The following UBE2U variants were observed in gnomAD, a reference collection of about 807,000 sequenced individuals.
UBE2U encodes ubiquitin-conjugating enzyme E2 U.
In UBE2U, 39 loss-of-function variants were observed where a neutral mutation model predicts 41.2. The observed-to-expected ratio is 0.95, with a 90% confidence interval of 0.73 to 1.24. The LOEUF (loss-of-function observed/expected upper bound fraction) is 1.24. Ranked by LOEUF, UBE2U falls within the 50% of genes most tolerant of loss-of-function variation. The pLI, the probability that UBE2U is intolerant of heterozygous loss-of-function variation, is 0.00. For missense variants in UBE2U, 336 were observed against 363.1 expected (o/e 0.93, Z 0.61); for synonymous variants, 107 against 117.8 (o/e 0.91, Z 0.60).
chr1:64,263,651 T>G (rs978524465), intron 9 of UBE2U, among the ~76,000 whole-genome samples: 1 of 152,132 alleles, frequency 6.6e-6, no homozygotes, highest in African/African-American at 2.4e-5. Flanking sequence ...GAAGTATGAC[T>G]CAGAAAAGGA....
rs71584441 is a variant in UBE2U at position 64,249,377 on chromosome 1, C to CAAAAA, written c.677+7661_677+7665dup. Among the ~76,000 whole-genome samples, 93 of 67,194 alleles carry CAAAAA rather than the reference C, an allele frequency of 1.4e-3. 2 individuals carry two copies. Among genetic ancestry groups the CAAAAA allele is most frequent in the African/African-American group, 2.3e-3 (39 of 17,216 alleles). 44.1% of individuals were successfully genotyped at this position (67,194 alleles called of 152,430 possible). On this transcript the variant is annotated intron_variant, in intron 8 of 9. Coordinates refer to ENST00000371077, the MANE Select transcript of UBE2U (RefSeq NM_001366232.2). ...TGGGTGACAGAGTGAGACTCTGTCTCAAAAAAAAAAAAAAAAAAAAATCAC... is the reference window on the plus strand; with the variant it reads ...TGGGTGACAGAGTGAGACTCTGTCTCAAAAAAAAAAAAAAAAAAAAAAAAAATCAC...
Position 64,267,045 on chromosome 1 carries a change from C to T in UBE2U, c.791C>T (p.Pro264Leu), listed in dbSNP as rs1023939192. The change falls in exon 10 of 10, where the codon CCA (proline) becomes CTA (leucine). Residue 264 changes from proline (P) to leucine (L), a missense_variant. Pro to Leu is a moderately conservative substitution (Grantham distance 98, BLOSUM62 -3). Coordinates refer to ENST00000371077, the MANE Select transcript of UBE2U (RefSeq NM_001366232.2). Reference sequence around the variant, plus strand: ...ACAGATGAAATTTTTCTTGAGTCACCAACTGCAATAAATAGCATCACAGAC... The same window carrying T: ...ACAGATGAAATTTTTCTTGAGTCACTAACTGCAATAAATAGCATCACAGAC... ...PTLNEIFLESPTAINSITDIY... is the reference protein window; with the variant it reads ...PTLNEIFLESLTAINSITDIY... 2.1e-5 allele frequency: 32 copies of T among 1,547,882 alleles called. No individual in the cohort carries two copies. The highest frequency in any genetic ancestry group is 4.0e-5 in the Admixed American group (2 of 50,550).
chr1:64,225,908 A>G (rs1463776346), intron 6 of UBE2U, among the ~76,000 whole-genome samples: 2 of 152,218 alleles, frequency 1.3e-5, no homozygotes, highest in Non-Finnish European at 2.9e-5. Flanking sequence ...ATTGCTGCAT[A>G]TCTTGTTTTA....
chr1:64,249,377 C>CAAAA (rs71584441), intron 8 of UBE2U, among the ~76,000 whole-genome samples: 1,261 of 66,536 alleles, frequency 0.019, 47 homozygotes, highest in African/African-American at 0.041. Context: ...GACTCTGTCT[C>CAAAA]AAAAAAAAAA....
chr1:64,264,036 CT>C (rs1243030957), intron 9 of UBE2U, among the ~76,000 whole-genome samples: 1 of 152,222 alleles, frequency 6.6e-6, no homozygotes, highest in African/African-American at 2.4e-5. Flanking sequence ...CTTCACTCCC[CT>C]GGGTCCTCCC....
intron 6 of UBE2U, 43 bp downstream of exon 6, chr1:64,220,950 A>T: frequency 1.5e-6 from 2 of 1,372,460 alleles, no homozygotes; most frequent in Non-Finnish European, 2.0e-6. Flanking sequence ...TATTTACCAA[A>T]AGGACTATTT....
chr1:64,246,611 AGGAAAATCCTTTAGGAAAAAAT>A (rs1644925874), intron 8 of UBE2U, among the ~76,000 whole-genome samples: 1 of 152,170 alleles, frequency 6.6e-6, no homozygotes, highest in South Asian at 2.1e-4. Flanking sequence ...AAACAAAGGG[AGGAAAATCCTTTAGGAAAAAAT>A]GACTTTTGCC....
chr1:64,236,745 T>G (rs1644674802), intron 7 of UBE2U, among the ~76,000 whole-genome samples: 1 of 152,216 alleles, frequency 6.6e-6, no homozygotes, highest in South Asian at 2.1e-4. Flanking sequence ...AGGAGACTTT[T>G]ATTCTTTGAG....
At chr1:64,255,855 C>A (rs1025847893) in intron 8 of UBE2U, among the ~76,000 whole-genome samples, 1 of 150,562 alleles carries the variant, frequency 6.6e-6, no homozygotes, top group Non-Finnish European at 1.5e-5. Context: ...ATACCATGAT[C>A]CTATGTCTAG....
Position 64,239,157 on chromosome 1 carries a change from A to AAGAAGAAAAGAAGAAGAAG in UBE2U, c.596-2494_596-2493insGAAGAAAAGAAGAAGAAGA. Among the ~76,000 whole-genome samples, 44 of 37,048 alleles carry AAGAAGAAAAGAAGAAGAAG rather than the reference A, an allele frequency of 1.2e-3. 3 individuals carry two copies. Among genetic ancestry groups the AAGAAGAAAAGAAGAAGAAG allele is most frequent in the Non-Finnish European group, 2.0e-3 (34 of 17,106 alleles). 24.3% of individuals were successfully genotyped at this position (37,048 alleles called of 152,430 possible). On this transcript the variant is annotated intron_variant, in intron 7 of 9. Transcript: ENST00000371077. ...GAAGAAGAAGAAGAAGAAGAAGAAG[A>AAGAAGAAAAGAAGAAGAAG]AAGAAGAAGAAGAAGAAGAAGAAGA...
intron 1 of UBE2U, among the ~76,000 whole-genome samples, chr1:64,204,767 A>C (rs1651186010): frequency 1.3e-5 from 2 of 152,210 alleles, no homozygotes; most frequent in Admixed American, 1.3e-4. Context: ...GAACAGAAAG[A>C]AAGCTGTCCA....
intron 5 of UBE2U, among the ~76,000 whole-genome samples, chr1:64,215,921 A>G (rs756920171): frequency 1.8e-4 from 28 of 152,076 alleles, no homozygotes; most frequent in African/African-American, 2.7e-4. Flanking sequence ...TGACATAGTT[A>G]TTTCCTTTAT....
chr1:64,263,599 G>C (rs1323638343), intron 9 of UBE2U, among the ~76,000 whole-genome samples: 1 of 152,174 alleles, frequency 6.6e-6, no homozygotes, highest in Non-Finnish European at 1.5e-5. Context: ...TAGCAAGAGA[G>C]TTATTATGTA....
At chr1:64,261,064 T>C (rs1557751929) in intron 9 of UBE2U, among the ~76,000 whole-genome samples, 1 of 152,204 alleles carries the variant, frequency 6.6e-6, no homozygotes, top group Admixed American at 6.5e-5. Flanking sequence ...TGCAATATGG[T>C]TGAAAAGAAA....
intron 7 of UBE2U, among the ~76,000 whole-genome samples, chr1:64,239,120 G>GA (rs1379591451): frequency 1.1e-4 from 2 of 17,902 alleles, no homozygotes; most frequent in African/African-American, 7.6e-4. Context: ...AGAAGAAGAA[G>GA]AAGAAGAAGA....
intron 9 of UBE2U, among the ~76,000 whole-genome samples, chr1:64,265,475 A>G (rs1278513120): frequency 3.3e-5 from 5 of 152,228 alleles, no homozygotes; most frequent in Non-Finnish European, 7.3e-5. Flanking sequence ...AATTACAACT[A>G]AATATTAGTA....
intron 5 of UBE2U, among the ~76,000 whole-genome samples, chr1:64,218,801 A>C (rs1158485765): frequency 6.6e-6 from 1 of 152,242 alleles, no homozygotes; most frequent in Non-Finnish European, 1.5e-5. Flanking sequence ...CTTGTACAAA[A>C]GGTCTGATTT....
At chr1:64,224,164 G>T (rs1021473847) in intron 6 of UBE2U, among the ~76,000 whole-genome samples, 2 of 152,264 alleles carry the variant, frequency 1.3e-5, no homozygotes, top group Admixed American at 6.5e-5. Context: ...GATACAGACA[G>T]AAGAGTGTAA....
intron 7 of UBE2U, 49 bp from the exon 8 acceptor site, chr1:64,241,603 T>C: frequency 7.5e-7 from 1 of 1,326,176 alleles, no homozygotes; most frequent in Non-Finnish European, 1.1e-6. Flanking sequence ...CTATTAACTA[T>C]TATTAAAGAA....
Sources: allele counts gnomAD v4.1 joint callset (sites outside exome capture counted in the v4.1 genomes callset), GRCh38; gene constraint gnomAD v4.1.1; transcripts MANE v1.5; gene names NCBI Gene and HGNC (gene_info 2026-07-23, HGNC 2026-07-21).